RIMBP2: variants seen among roughly 807,000 people sequenced by gnomAD.
The protein encoded by RIMBP2 is RIMS-binding protein 2.
A neutral mutation model predicts 118.6 loss-of-function variants in RIMBP2; 48 were observed. That is an observed-to-expected ratio of 0.40 (90% CI 0.32 to 0.51). RIMBP2 has a LOEUF of 0.51. Among genes scored for constraint, RIMBP2 ranks in the 20% least tolerant of loss-of-function variants. The pLI is 0.41. For missense variants in RIMBP2, 1,551 were observed against 1,768.3 expected (o/e 0.88, Z 2.20); for synonymous variants, 762 against 742.9 (o/e 1.03, Z -0.42).
intron 1 of RIMBP2, among the ~76,000 whole-genome samples, chr12:130,690,541 G>C (rs1187605839): frequency 1.3e-5 from 2 of 152,208 alleles, no homozygotes; most frequent in Non-Finnish European, 2.9e-5. Flanking sequence ...CGGTATCCTA[G>C]ATTTTTCACT....
intron 2 of RIMBP2, among the ~76,000 whole-genome samples, chr12:130,574,017 T>G (rs1302922761): frequency 1.3e-5 from 2 of 152,114 alleles, no homozygotes; most frequent in Admixed American, 1.3e-4. Flanking sequence ...TGGGTCTGTC[T>G]CCTAGAGTGG....
intron 2 of RIMBP2, among the ~76,000 whole-genome samples, chr12:130,608,881 C>T (rs1217850058): frequency 1.3e-5 from 2 of 152,082 alleles, no homozygotes; most frequent in Non-Finnish European, 2.9e-5. Flanking sequence ...ATCTGAAATG[C>T]ACCCTCCTGT....
intron 4 of RIMBP2, among the ~76,000 whole-genome samples, chr12:130,492,776 A>G (rs2048760622): frequency 1.3e-5 from 2 of 152,184 alleles, no homozygotes; most frequent in African/African-American, 4.8e-5. Context: ...TTGAATGGCA[A>G]CAAAAAATAC....
intron 2 of RIMBP2, among the ~76,000 whole-genome samples, chr12:130,572,401 C>T (rs994840815): frequency 5.9e-5 from 9 of 152,124 alleles, no homozygotes; most frequent in Non-Finnish European, 8.8e-5. Context: ...TCCTTCTTCC[C>T]GGCTCGCATG....
rs1488056525 is a variant in RIMBP2 at position 130,447,051 on chromosome 12, A to C, written c.582-1782T>G. The stretch of plus-strand genomic sequence containing the variant: ...CTGGATGGGTAGATGGCCGAGACAC[A>C]GAAGCTGGCAGAGTGTTCTCGGAGG... On this transcript the variant is annotated intron_variant, in intron 9 of 22. Coordinates refer to ENST00000690449, the MANE Select transcript of RIMBP2 (RefSeq NM_001393629.1). The surrounding 1 kb of genome is among the most constrained non-coding windows in gnomAD (Gnocchi z 4.4). 6.6e-6 allele frequency among the ~76,000 whole-genome samples: 1 copy of C among 151,304 alleles called. No homozygotes were observed. The highest frequency in any genetic ancestry group is 2.1e-4 in the South Asian group (1 of 4,718).
At chr12:130,577,496 G>A (rs2058165023) in intron 2 of RIMBP2, among the ~76,000 whole-genome samples, 1 of 152,156 alleles carries the variant, frequency 6.6e-6, no homozygotes, top group Non-Finnish European at 1.5e-5. Context: ...CAGCAGGAGA[G>A]AGCACAAGCA....
intron 2 of RIMBP2, among the ~76,000 whole-genome samples, chr12:130,567,995 A>T (rs1027270553): frequency 5.3e-5 from 8 of 151,314 alleles, no homozygotes; most frequent in African/African-American, 1.7e-4. Context: ...TGCACCAATT[A>T]AAAAAAAAGG....
intron 2 of RIMBP2, among the ~76,000 whole-genome samples, chr12:130,548,335 A>C (rs1410950772): frequency 6.6e-6 from 1 of 152,166 alleles, no homozygotes; most frequent in African/African-American, 2.4e-5. Context: ...ATGGTCTCCA[A>C]GTTCAGTCTC....
At chr12:130,480,405 G>A (rs1298300686) in intron 4 of RIMBP2, among the ~76,000 whole-genome samples, 1 of 152,150 alleles carries the variant, frequency 6.6e-6, no homozygotes, top group Non-Finnish European at 1.5e-5. Flanking sequence ...GCGGCCCCAC[G>A]GGCCTGCCCC....
At chr12:130,605,120 G>A (rs1438289693) in intron 2 of RIMBP2, among the ~76,000 whole-genome samples, 1 of 152,094 alleles carries the variant, frequency 6.6e-6, no homozygotes, top group Non-Finnish European at 1.5e-5. Flanking sequence ...GAGATTGCCA[G>A]CACGCCTTTC....
At chr12:130,597,397 C>T (rs1300495092) in intron 2 of RIMBP2, among the ~76,000 whole-genome samples, 1 of 152,204 alleles carries the variant, frequency 6.6e-6, no homozygotes, top group African/African-American at 2.4e-5. Flanking sequence ...GCACATGCCA[C>T]CACACCCAGC....
At chr12:130,631,851 A>T (rs1226433369) in intron 1 of RIMBP2, among the ~76,000 whole-genome samples, 1 of 152,212 alleles carries the variant, frequency 6.6e-6, no homozygotes, top group Admixed American at 6.5e-5. Flanking sequence ...AATTACATGC[A>T]TGCACTTTCA....
At chr12:130,585,511 C>G (rs2058825475) in intron 2 of RIMBP2, among the ~76,000 whole-genome samples, 1 of 150,970 alleles carries the variant, frequency 6.6e-6, no homozygotes, top group Non-Finnish European at 1.5e-5. Context: ...ACTCGGGAGG[C>G]TGAGGTGGGA....
chr12:130,483,761 C>A (rs1284883515), intron 4 of RIMBP2, among the ~76,000 whole-genome samples: 6 of 143,578 alleles, frequency 4.2e-5, no homozygotes, highest in Admixed American at 6.9e-5. Flanking sequence ...GTGCCCGGAG[C>A]CCCCATCCCT....
At chr12:130,664,432 CAT>C (rs1407137934) in intron 1 of RIMBP2, among the ~76,000 whole-genome samples, 8 of 46,776 alleles carry the variant, frequency 1.7e-4, no homozygotes, top group Non-Finnish European at 4.8e-4. Context: ...CACACACATG[CAT>C]GCACGCACAC....
chr12:130,661,400 G>A (rs73159163), intron 1 of RIMBP2, among the ~76,000 whole-genome samples: 5 of 152,152 alleles, frequency 3.3e-5, no homozygotes, highest in Admixed American at 2.0e-4. Flanking sequence ...ATACAAAAAG[G>A]CTCCTTTCCA....
At chr12:130,637,477 T>C (rs1220386082) in intron 1 of RIMBP2, among the ~76,000 whole-genome samples, 3 of 152,216 alleles carry the variant, frequency 2.0e-5, no homozygotes, top group Non-Finnish European at 2.9e-5. Context: ...ATGCAATTAG[T>C]GAGTTCAAGA....
At chr12:130,487,302 T>C (rs1001480873) in intron 4 of RIMBP2, among the ~76,000 whole-genome samples, 1 of 152,190 alleles carries the variant, frequency 6.6e-6, no homozygotes, top group South Asian at 2.1e-4. Context: ...AGGTGGGGCC[T>C]GGTGGGAGGT....
At chr12:130,505,900 A>G (rs2138799102) in intron 4 of RIMBP2, among the ~76,000 whole-genome samples, 1 of 122,764 alleles carries the variant, frequency 8.1e-6, no homozygotes, top group South Asian at 3.2e-4. Flanking sequence ...CGCTTCCCCA[A>G]AGAGGCTACA....
Sources: gnomAD v4.1 joint callset for allele counts (sites outside exome capture counted in the v4.1 genomes callset) on GRCh38, gnomAD v4.1.1 for gene constraint, Gnocchi (gnomAD v3.1) non-coding constraint, MANE v1.5 for transcripts, NCBI Gene and HGNC (gene_info 2026-07-23, HGNC 2026-07-21) for gene names.